FAM135A: variants seen among roughly 807,000 people sequenced by gnomAD.
The protein encoded by FAM135A is protein FAM135A.
In FAM135A, 79 loss-of-function variants were observed where a neutral mutation model predicts 146.8. That is an observed-to-expected ratio of 0.54 (90% CI 0.45 to 0.65). The LOEUF (loss-of-function observed/expected upper bound fraction) is 0.65. FAM135A is among the 30% of genes least tolerant of loss of function. The pLI, the probability that FAM135A is intolerant of heterozygous loss-of-function variation, is 0.00. For missense variants in FAM135A, 1,623 were observed against 1,758.2 expected (o/e 0.92, Z 1.38); for synonymous variants, 562 against 603.6 (o/e 0.93, Z 1.01).
chr6:70,467,812 G>A (rs1223007832), intron 5 of FAM135A, among the ~76,000 whole-genome samples: 2 of 151,656 alleles, frequency 1.3e-5, no homozygotes, highest in African/African-American at 2.4e-5. Context: ...CTATAACAAT[G>A]TTTTCCTGTT....
chr6:70,559,845 C>T lies in FAM135A; in HGVS notation c.4472C>T (p.Ala1491Val). ...GCTGATTCACTCATTGGGAGAGCTG[C>T]ACATATAGCTGTTCTTGATTCGGAA... ...NTADSLIGRA[A>V]HIAVLDSEIF... Residue 1491 changes from alanine to valine, a missense_variant, in exon 22 of 22, where the codon GCA becomes GTA. Coordinates refer to ENST00000418814, the MANE Select transcript of FAM135A (RefSeq NM_001162529.3). 1 of 1,614,100 alleles carries T rather than the reference C, an allele frequency of 6.2e-7. No homozygotes were observed. The highest frequency in any genetic ancestry group is 8.5e-7 in the Non-Finnish European group (1 of 1,180,008).
chr6:70,437,831 A>G lies in FAM135A; in HGVS notation c.77+9412A>G, dbSNP rs1582097957. On this transcript the variant is annotated intron_variant, in intron 4 of 21. Coordinates refer to ENST00000418814, the MANE Select transcript of FAM135A (RefSeq NM_001162529.3). ...TTAGGCTCTTTGAAAAACAATTTCC[A>G]TTTTGAAGAGATTAGTGAGTTGCTT... 3.9e-5 allele frequency among the ~76,000 whole-genome samples: 6 copies of G among 152,304 alleles called. No homozygotes were observed. In the South Asian group the frequency reaches 1.2e-3, roughly 32 times the overall value.
chr6:70,518,876 A>G (rs776785613), intron 12 of FAM135A, among the ~76,000 whole-genome samples: 29 of 152,212 alleles, frequency 1.9e-4, no homozygotes, highest in Admixed American at 8.5e-4. Flanking sequence ...GAGATATACA[A>G]GGAGATTAAC....
At chr6:70,484,613 T>G (rs1473450135) in intron 10 of FAM135A, among the ~76,000 whole-genome samples, 1 of 152,186 alleles carries the variant, frequency 6.6e-6, no homozygotes, top group East Asian at 1.9e-4. Context: ...GAGGCATTAG[T>G]TAGATTCTCA....
At chr6:70,538,150 AAT>A in intron 19 of FAM135A, 139 bp from the exon 20 acceptor site, 1 of 440,310 alleles carries the variant, frequency 2.3e-6, no homozygotes. Context: ...ATATTTTCCA[AAT>A]ATATTTTTGA....
At chr6:70,518,351 G>A (rs1792782341) in intron 12 of FAM135A, among the ~76,000 whole-genome samples, 1 of 152,194 alleles carries the variant, frequency 6.6e-6, no homozygotes, top group East Asian at 1.9e-4. Context: ...CAGAGATTGG[G>A]TGTTGAGGTT....
chr6:70,473,039 CTTAT>C (rs1173260509), intron 5 of FAM135A, among the ~76,000 whole-genome samples: 1 of 152,136 alleles, frequency 6.6e-6, no homozygotes, highest in African/African-American at 2.4e-5. Flanking sequence ...TTTTCATTCA[CTTAT>C]TTATTTATAT....
chr6:70,528,960 A>T (rs945397250), intron 16 of FAM135A, among the ~76,000 whole-genome samples: 1 of 147,274 alleles, frequency 6.8e-6, no homozygotes, highest in Non-Finnish European at 1.5e-5. Flanking sequence ...TTCCTGTGTT[A>T]GTTTGCTGAG....
chr6:70,486,076 T>C, intron 10 of FAM135A: 1 of 995,678 alleles, frequency 1.0e-6, no homozygotes, highest in Non-Finnish European at 1.5e-6. Flanking sequence ...AGATCAACAC[T>C]AAGTCTATTA....
chr6:70,500,889 T>C (rs1375733969), intron 11 of FAM135A, among the ~76,000 whole-genome samples: 2 of 152,298 alleles, frequency 1.3e-5, no homozygotes, highest in African/African-American at 4.8e-5. Context: ...TGATACCACC[T>C]GGAGCTCTCT....
chr6:70,427,633 G>A (rs985961128), intron 3 of FAM135A, among the ~76,000 whole-genome samples: 1 of 150,452 alleles, frequency 6.6e-6, no homozygotes, highest in Non-Finnish European at 1.5e-5. Flanking sequence ...ATGTACATGT[G>A]GTTTGATCCC....
At chr6:70,427,350 G>T (rs973137132) in intron 3 of FAM135A, among the ~76,000 whole-genome samples, 1 of 152,082 alleles carries the variant, frequency 6.6e-6, no homozygotes, top group African/African-American at 2.4e-5. Context: ...TGGCCAACAT[G>T]GCAAAACCCC....
At chr6:70,489,554 A>C (rs904863696) in intron 10 of FAM135A, among the ~76,000 whole-genome samples, 24 of 152,206 alleles carry the variant, frequency 1.6e-4, no homozygotes, top group African/African-American at 5.8e-4. Flanking sequence ...AGGGTTAAGC[A>C]GCAGAATTTA....
At chr6:70,469,434 T>C (rs1291337786) in intron 5 of FAM135A, among the ~76,000 whole-genome samples, 1 of 152,214 alleles carries the variant, frequency 6.6e-6, no homozygotes, top group Non-Finnish European at 1.5e-5. Context: ...TTCACAGCAA[T>C]TTAGAATTAC....
chr6:70,524,910 G>T lies in FAM135A; in HGVS notation c.1826G>T (p.Cys609Phe). Residue 609 changes from cysteine (C) to phenylalanine (F), a missense_variant, in exon 15 of 22, where the codon TGT becomes TTT. Transcript: ENST00000418814. The stretch of plus-strand genomic sequence containing the variant: ...TTGAACTCTGGCAACCTAAATCTTT[G>T]TGCAAATTTGTCCATTTCAGGTAAA... ...DPLNSGNLNLCANLSISGKLD... is the reference protein window; with the variant it reads ...DPLNSGNLNLFANLSISGKLD... The T allele has an allele frequency of 1.2e-6, 2 of 1,612,200 alleles. No individual in the cohort carries two copies. The highest frequency in any genetic ancestry group is 3.4e-5 in the Admixed American group (2 of 59,644).
chr6:70,549,376 CAT>C (rs1562024933), intron 20 of FAM135A, among the ~76,000 whole-genome samples: 1 of 151,836 alleles, frequency 6.6e-6, no homozygotes. Flanking sequence ...TGAAAAAAGA[CAT>C]AAAATAGTAT....
chr6:70,475,417 T>C lies in FAM135A; in HGVS notation c.165T>C (p.Thr55=). The change falls in exon 6 of 22, where the codon ACT becomes ACC. Residue 55 remains threonine (T), a synonymous_variant. Transcript: ENST00000418814. ...EASLLHATGM[T]LAFPASVHDS... ...ATATCTTATCTGTTTTAGGTATGACTTTAGCCTTTCCAGCCTCAGTTCATG... is the reference window on the plus strand; with the variant it reads ...ATATCTTATCTGTTTTAGGTATGACCTTAGCCTTTCCAGCCTCAGTTCATG... 1 of 1,582,586 alleles carries C rather than the reference T, an allele frequency of 6.3e-7. No individual in the cohort carries two copies. Among genetic ancestry groups the C allele is most frequent in the Non-Finnish European group, 8.6e-7 (1 of 1,165,254 alleles).
intron 10 of FAM135A, 66 bp downstream of exon 10, chr6:70,482,220 C>T (rs1361246440): frequency 1.6e-5 from 24 of 1,497,490 alleles, no homozygotes; most frequent in Non-Finnish European, 2.1e-5. Context: ...ATATTGCTAG[C>T]TATCAGCTTT....
chr6:70,525,644 A>G lies in FAM135A; in HGVS notation c.2560A>G (p.Asn854Asp). The change falls in exon 15 of 22, where the codon AAT (asparagine) becomes GAT (aspartate). Residue 854 changes from asparagine (N) to aspartate (D), a missense_variant. Transcript: ENST00000418814. ...PSDDELSPDE[N>D]SKKSVVPECH... ...CGATGATGAACTGTCACCTGATGAAAATTCTAAGAAATCTGTTGTACCTGA... is the reference window on the plus strand; with the variant it reads ...CGATGATGAACTGTCACCTGATGAAGATTCTAAGAAATCTGTTGTACCTGA... The G allele has an allele frequency of 6.2e-7, 1 of 1,612,884 alleles. No homozygotes were observed. Among genetic ancestry groups the G allele is most frequent in the Non-Finnish European group, 8.5e-7 (1 of 1,179,510 alleles).
Sources: allele counts gnomAD v4.1 joint callset (sites outside exome capture counted in the v4.1 genomes callset), GRCh38; gene constraint gnomAD v4.1.1; transcripts MANE v1.5; gene names NCBI Gene and HGNC (gene_info 2026-07-23, HGNC 2026-07-21).